Variants in ESPNL observed in about 807,000 individuals in gnomAD.
The protein encoded by ESPNL is espin like.
A neutral mutation model predicts 46.8 loss-of-function variants in ESPNL; 49 were observed. That is an observed-to-expected ratio of 1.05 (90% CI 0.83 to 1.33). The LOEUF is 1.33. ESPNL is among the 40% of genes most tolerant of loss of function. The pLI is 0.00. For synonymous variants in ESPNL, 664 were observed against 662.1 expected (o/e 1.00, Z -0.04); for missense variants, 1,540 against 1,436.6 (o/e 1.07, Z -1.16).
At position 238,125,261 on chromosome 2, in the gene ESPNL, C is replaced by T. The variant is rs773850284; in HGVS notation, c.988-9C>T. The T allele has an allele frequency of 8.0e-5, 116 of 1,447,578 alleles. No individual in the cohort carries two copies. The highest frequency in any genetic ancestry group is 1.9e-6 in the Non-Finnish European group (2 of 1,076,082). 89.7% of individuals were successfully genotyped at this position (1,447,578 alleles called of 1,614,324 possible). A position where few individuals can be genotyped will look rare whatever the true frequency, so the allele number is the denominator to read the frequency against. ...GGGTCCCCCACTGACCAGGCCCATT[C>T]ACCCACAGGTGCCCCTGCTGATGAC... On this transcript the variant is annotated splice_polypyrimidine_tract_variant and intron_variant, in intron 5 of 8. Transcript: ENST00000343063.
intron 3 of ESPNL, among the ~76,000 whole-genome samples, chr2:238,107,488 CAT>C (rs1044979740): frequency 4.1e-5 from 6 of 147,270 alleles, no homozygotes; most frequent in East Asian, 2.1e-4. Context: ...ATAGCAAACA[CAT>C]GTTTACTCTT....
chr2:238,123,566 G>T (rs13392664), intron 5 of ESPNL, among the ~76,000 whole-genome samples: 36 of 152,094 alleles, frequency 2.4e-4, no homozygotes, highest in African/African-American at 7.2e-4. Flanking sequence ...ACAGTTAAAG[G>T]TTCCGTGGTA....
chr2:238,104,910 G>A, intron 3 of ESPNL, 68 bp downstream of exon 3: 1 of 1,336,626 alleles, frequency 7.5e-7, no homozygotes, highest in Non-Finnish European at 9.8e-7. Context: ...GCAGAGCCTG[G>A]AGCCTGGATG....
intron 3 of ESPNL, among the ~76,000 whole-genome samples, chr2:238,107,489 A>G (rs1691621706): frequency 7.3e-6 from 1 of 137,430 alleles, no homozygotes; most frequent in African/African-American, 2.8e-5. Flanking sequence ...TAGCAAACAC[A>G]TGTTTACTCT....
chr2:238,123,204 C>T (rs957306849), intron 5 of ESPNL, among the ~76,000 whole-genome samples: 3 of 152,198 alleles, frequency 2.0e-5, no homozygotes, highest in African/African-American at 7.2e-5. Context: ...GCACACACAG[C>T]CCTGAGAAGT....
At chr2:238,126,226 GTC>G (rs1491123816) in intron 6 of ESPNL, among the ~76,000 whole-genome samples, 9 of 70,028 alleles carry the variant, frequency 1.3e-4, no homozygotes, top group East Asian at 6.2e-4. Context: ...TTGTGTCTGT[GTC>G]TGTATTGTAT....
At position 238,131,734 on chromosome 2, in the gene ESPNL, C is replaced by T. The variant is rs201111005; in HGVS notation, c.*2C>T. The T allele has an allele frequency of 7.5e-5, 117 of 1,570,194 alleles. No individual in the cohort carries two copies. Among genetic ancestry groups the T allele is most frequent in the Non-Finnish European group, 9.7e-5 (112 of 1,152,894 alleles). The stretch of plus-strand genomic sequence containing the variant: ...GAGATGTTCAACTTTGGAGAATGAC[C>T]CTACTGGCAGCCTGCTTTCCAGAAT... On this transcript the variant is annotated 3_prime_UTR_variant, in exon 9 of 9. Coordinates refer to ENST00000343063, the MANE Select transcript of ESPNL (RefSeq NM_194312.4).
chr2:238,124,665 G>C (rs556212630), intron 5 of ESPNL, among the ~76,000 whole-genome samples: 1 of 149,592 alleles, frequency 6.7e-6, no homozygotes, highest in Admixed American at 6.8e-5. Flanking sequence ...GTGCAGGAGA[G>C]TGTACATGTG....
intron 7 of ESPNL, 68 bp from the exon 8 acceptor site, chr2:238,128,639 T>A: frequency 1.3e-6 from 2 of 1,486,872 alleles, no homozygotes; most frequent in Non-Finnish European, 1.8e-6. Flanking sequence ...CCACGTCCTC[T>A]CGGATCTTCC....
In ESPNL at chr2:238,128,875, C is replaced by T. The variant is rs889982364; in HGVS notation, c.1384C>T (p.Leu462=). 31 of 1,544,968 alleles carry T rather than the reference C, an allele frequency of 2.0e-5. No individual in the cohort carries two copies. The highest frequency in any genetic ancestry group is 2.5e-5 in the Non-Finnish European group (29 of 1,146,552). Residue 462 remains leucine, a synonymous_variant, in exon 8 of 9, where the codon CTG becomes TTG. Coordinates refer to ENST00000343063, the MANE Select transcript of ESPNL (RefSeq NM_194312.4). ...QVMVRKLQAR[L]GAESSAEAQD... is the part of the protein sequence containing the mutation. ...GATGGTGCGGAAGCTGCAGGCGCGC[C>T]TGGGCGCAGAGAGCTCCGCAGAGGC...
chr2:238,111,887 T>C (rs936804358), intron 4 of ESPNL, among the ~76,000 whole-genome samples: 4 of 152,226 alleles, frequency 2.6e-5, no homozygotes, highest in African/African-American at 9.6e-5. Flanking sequence ...GACATATTAT[T>C]CCTTTTAAAT....
Position 238,131,530 on chromosome 2 carries a change from C to T in ESPNL, c.2816C>T (p.Pro939Leu), listed in dbSNP as rs1183064815. 1 of 1,611,562 alleles carries T rather than the reference C, an allele frequency of 6.2e-7. No individual in the cohort carries two copies. Among genetic ancestry groups the T allele is most frequent in the Non-Finnish European group, 8.5e-7 (1 of 1,179,352 alleles). ...SSQRPAWDTE[P>L]GRKSGLTLLG... ...CAGCGTCCCGCCTGGGATACGGAGC[C>T]TGGCCGCAAGTCAGGTCTGACCCTG... Residue 939 changes from proline (P) to leucine (L), a missense_variant, in exon 9 of 9, where the codon CCT becomes CTT. Pro to Leu is a moderately conservative substitution (Grantham distance 98). Coordinates refer to ENST00000343063, the MANE Select transcript of ESPNL (RefSeq NM_194312.4).
At chr2:238,119,703 A>G (rs1440207314) in intron 5 of ESPNL, among the ~76,000 whole-genome samples, 1 of 152,044 alleles carries the variant, frequency 6.6e-6, no homozygotes, top group Non-Finnish European at 1.5e-5. Flanking sequence ...CCCTTCAGGA[A>G]GGTGTTCTGA....
At chr2:238,120,384 C>T (rs1448661588) in intron 5 of ESPNL, among the ~76,000 whole-genome samples, 2 of 152,224 alleles carry the variant, frequency 1.3e-5, no homozygotes, top group Non-Finnish European at 2.9e-5. Flanking sequence ...GCCCCTGGCA[C>T]AAGGGAACAG....
At chr2:238,109,643 C>T (rs1048075778) in intron 4 of ESPNL, among the ~76,000 whole-genome samples, 11 of 152,270 alleles carry the variant, frequency 7.2e-5, no homozygotes, top group African/African-American at 2.7e-4. Context: ...AGGTGTGAGC[C>T]ACTATGCCCA....
In ESPNL at chr2:238,131,520, G is replaced by C; in HGVS notation, c.2806G>C (p.Asp936His). The change falls in exon 9 of 9, where the codon GAT becomes CAT. Residue 936 changes from aspartate to histidine, a missense_variant. Physicochemically the swap from Asp to His is moderately conservative, Grantham distance 81. Transcript: ENST00000343063. ...FFGSSQRPAWDTEPGRKSGLT... is the reference protein window; with the variant it reads ...FFGSSQRPAWHTEPGRKSGLT... ...TGGCTCCAGCCAGCGTCCCGCCTGG[G>C]ATACGGAGCCTGGCCGCAAGTCAGG... 6.2e-7 allele frequency: 1 copy of C among 1,611,588 alleles called. No individual in the cohort carries two copies. Among genetic ancestry groups the C allele is most frequent in the Non-Finnish European group, 8.5e-7 (1 of 1,179,366 alleles).
Position 238,102,156 on chromosome 2 carries a change from G to C in ESPNL, c.485+25G>C, listed in dbSNP as rs776058666. On this transcript the variant is annotated intron_variant, in intron 2 of 8. Transcript: ENST00000343063. ...GGTAAGGAGCCCAAAGTCCCGCCTG[G>C]GGGGGCAGCCTGGGGCGAGCTGGCC... is the stretch of plus-strand genomic sequence containing the variant. The C allele has an allele frequency of 1.2e-5, 18 of 1,508,114 alleles. No individual in the cohort carries two copies. The East Asian group carries it at 1.5e-4, about 12-fold the overall frequency. The allele number at this position is 1,508,114 out of a possible 1,614,324, so 93.4% of individuals were successfully genotyped here.
In ESPNL at chr2:238,130,831, G is replaced by A. The variant is rs770621162; in HGVS notation, c.2117G>A (p.Gly706Asp). The change falls in exon 9 of 9, where the codon GGC becomes GAC. Residue 706 changes from glycine (G) to aspartate (D), a missense_variant. By Grantham distance (94) the Gly-to-Asp change is moderately conservative. Transcript: ENST00000343063. ...SGLASGEPRP[G>D]DTEEASDSGI... ...CTGGCTTCAGGGGAGCCCAGGCCTGGCGACACAGAGGAGGCCAGCGACTCT... is the reference window on the plus strand; with the variant it reads ...CTGGCTTCAGGGGAGCCCAGGCCTGACGACACAGAGGAGGCCAGCGACTCT... The A allele has an allele frequency of 2.6e-6, 4 of 1,548,270 alleles. No individual in the cohort carries two copies. The Admixed American group carries it at 7.7e-5, about 30-fold the overall frequency.
intron 4 of ESPNL, among the ~76,000 whole-genome samples, chr2:238,115,365 G>A (rs979044299): frequency 2.0e-5 from 3 of 152,182 alleles, no homozygotes; most frequent in African/African-American, 2.4e-5. Context: ...GGTAGGGGCC[G>A]GGGCAAGGGA....
Sources: allele counts gnomAD v4.1 joint callset (sites outside exome capture counted in the v4.1 genomes callset), GRCh38; gene constraint gnomAD v4.1.1; transcripts MANE v1.5; gene names NCBI Gene and HGNC (gene_info 2026-07-23, HGNC 2026-07-21).